The following RBM47 variants were observed in gnomAD, a reference collection of about 807,000 sequenced individuals.
RBM47 encodes the protein RNA binding motif protein 47.
A neutral mutation model predicts 47.1 loss-of-function variants in RBM47; 21 were observed. The ratio of observed to expected loss-of-function variants is 0.45; its 90% CI spans 0.32 to 0.64. The LOEUF is 0.64. Among genes scored for constraint, RBM47 ranks in the 30% least tolerant of loss-of-function variants. The probability of loss-of-function intolerance (pLI) is 0.05; values close to 1 mark genes in which losing one functional copy is unlikely to be tolerated. For synonymous variants in RBM47, 375 were observed against 361.7 expected, an observed-to-expected ratio of 1.04 and a Z score of -0.42; for missense variants, 708 against 870.9, an observed-to-expected ratio of 0.81 and a Z score of 2.35.
chr4:40,441,664 G>A (rs774878597), intron 3 of RBM47, among the ~76,000 whole-genome samples: 10 of 152,194 alleles, frequency 6.6e-5, no homozygotes, highest in Middle Eastern at 3.2e-3. Flanking sequence ...GCTGAGATAG[G>A]TGGAGTTGCC....
At chr4:40,588,383 A>G (rs193030082) in intron 1 of RBM47, among the ~76,000 whole-genome samples, 37 of 152,332 alleles carry the variant, frequency 2.4e-4, no homozygotes, top group African/African-American at 8.4e-4. Flanking sequence ...CAAAGAAAAT[A>G]ATGACAAGGA....
intron 3 of RBM47, among the ~76,000 whole-genome samples, chr4:40,448,196 AAAAT>A (rs1000190681): frequency 3.3e-5 from 5 of 152,000 alleles, no homozygotes; most frequent in Non-Finnish European, 7.4e-5. Flanking sequence ...ACTCCATCTC[AAAAT>A]AAATAAATAA....
intron 1 of RBM47, among the ~76,000 whole-genome samples, chr4:40,553,204 A>G (rs1729739833): frequency 1.3e-5 from 2 of 151,066 alleles, no homozygotes; most frequent in South Asian, 4.2e-4. Context: ...GAGTTCTCCA[A>G]TCACCAACTG....
upstream of RBM47, chr4:40,630,462 CCTGGGGCCGAGCATGG>C (rs1241950924): frequency 2.0e-5 from 3 of 152,236 alleles, no homozygotes; most frequent in Non-Finnish European, 4.4e-5. Context: ...GGCGTCCTTA[CCTGGGGCCGAGCATGG>C]CTTGGCCGCG....
At chr4:40,574,665 C>T (rs527680733) in intron 1 of RBM47, among the ~76,000 whole-genome samples, 1 of 152,144 alleles carries the variant, frequency 6.6e-6, no homozygotes, top group African/African-American at 2.4e-5. Flanking sequence ...GCCTGGCCAA[C>T]GTGGTGAAAT....
intron 1 of RBM47, among the ~76,000 whole-genome samples, chr4:40,581,986 C>A (rs1302803778): frequency 1.3e-5 from 2 of 152,034 alleles, no homozygotes; most frequent in Non-Finnish European, 2.9e-5. Flanking sequence ...AGTGGATCGC[C>A]ATCCCCCAGG....
In RBM47 at chr4:40,490,704, T is replaced by A. The variant is rs529586728; in HGVS notation, c.-154-24005A>T. On this transcript the variant is annotated intron_variant, in intron 2 of 6. Coordinates refer to ENST00000295971, the MANE Select transcript of RBM47 (RefSeq NM_001098634.2). ...AGGCGGAGGTTGCAGTGAGGAGAGATCGCGCCACTGCACTCCAGCCTGACA... is the reference window on the plus strand; with the variant it reads ...AGGCGGAGGTTGCAGTGAGGAGAGAACGCGCCACTGCACTCCAGCCTGACA... 5.3e-5 allele frequency among the ~76,000 whole-genome samples: 8 copies of A among 150,502 alleles called. No individual in the cohort carries two copies. The South Asian group carries it at 8.5e-4, about 16-fold the overall frequency.
chr4:40,431,892 A>C (rs1286423055), intron 6 of RBM47, among the ~76,000 whole-genome samples: 1 of 152,118 alleles, frequency 6.6e-6, no homozygotes, highest in African/African-American at 2.4e-5. Flanking sequence ...TCTGTTGCCC[A>C]GGCTGGAGTG....
chr4:40,575,866 C>T (rs1023193542), intron 1 of RBM47, among the ~76,000 whole-genome samples: 5 of 152,224 alleles, frequency 3.3e-5, no homozygotes, highest in African/African-American at 9.6e-5. Flanking sequence ...TGTTCTCACA[C>T]ATTACCAAGC....
At chr4:40,501,726 G>C (rs1179901883) in intron 2 of RBM47, among the ~76,000 whole-genome samples, 1 of 152,332 alleles carries the variant, frequency 6.6e-6, no homozygotes, top group East Asian at 1.9e-4. Flanking sequence ...TCTTAGAAAT[G>C]CTGCACCCAC....
At chr4:40,545,297 C>G (rs959574173) in intron 1 of RBM47, among the ~76,000 whole-genome samples, 5 of 149,848 alleles carry the variant, frequency 3.3e-5, no homozygotes, top group African/African-American at 1.2e-4. Context: ...ATGATCTGCC[C>G]GCCTCAGCCT....
intron 2 of RBM47, among the ~76,000 whole-genome samples, chr4:40,528,537 C>CT (rs1726985306): frequency 6.6e-6 from 1 of 152,016 alleles, no homozygotes; most frequent in Admixed American, 6.6e-5. Context: ...AATCCTAGCA[C>CT]TTGGGAGACC....
chr4:40,460,419 C>A (rs916524699), intron 3 of RBM47, among the ~76,000 whole-genome samples: 2 of 152,204 alleles, frequency 1.3e-5, no homozygotes, highest in African/African-American at 2.4e-5. Context: ...CGAGCTCCTG[C>A]ATGCCAGAGC....
At chr4:40,476,300 C>T (rs1275984691) in intron 2 of RBM47, among the ~76,000 whole-genome samples, 1 of 152,026 alleles carries the variant, frequency 6.6e-6, no homozygotes, top group East Asian at 1.9e-4. Flanking sequence ...GTTGCTTTTT[C>T]CCCTTCTCAT....
chr4:40,519,218 A>C (rs975743639), intron 2 of RBM47, among the ~76,000 whole-genome samples: 1 of 152,000 alleles, frequency 6.6e-6, no homozygotes, highest in Non-Finnish European at 1.5e-5. Context: ...CCTTAAAAAA[A>C]ATAAAAAATA....
Position 40,563,278 on chromosome 4 carries a change from A to G in RBM47, c.-239-18772T>C, listed in dbSNP as rs570232358. On this transcript the variant is annotated intron_variant, in intron 1 of 6. Transcript: ENST00000295971. ...TTACTTCAGGGTTGTTGACCATTCA[A>G]TTAGGCTAGCTCCACAGAAATCTGT... 7.2e-5 allele frequency among the ~76,000 whole-genome samples: 11 copies of G among 152,382 alleles called. 1 individual carries two copies. The East Asian group carries it at 1.7e-3, about 24-fold the overall frequency.
Position 40,489,637 on chromosome 4 carries a change from T to C in RBM47, c.-154-22938A>G, listed in dbSNP as rs188057084. Among the ~76,000 whole-genome samples the C allele has an allele frequency of 2.6e-3, 392 of 152,228 alleles. 2 individuals carry two copies. Among genetic ancestry groups the C allele is most frequent in the African/African-American group, 9.0e-3 (372 of 41,556 alleles). ...AATAGACTCAAGAAGAAATAGAATATCTGAATAGACTTATAAGTAAATACA... is the reference window on the plus strand; with the variant it reads ...AATAGACTCAAGAAGAAATAGAATACCTGAATAGACTTATAAGTAAATACA... On this transcript the variant is annotated intron_variant, in intron 2 of 6. Transcript: ENST00000295971.
chr4:40,510,143 C>T (rs925453397), intron 2 of RBM47, among the ~76,000 whole-genome samples: 3 of 146,288 alleles, frequency 2.1e-5, no homozygotes, highest in African/African-American at 2.5e-5. Context: ...GCCAAGATAG[C>T]GCCATTGCAC....
chr4:40,565,829 T>C (rs965630110), intron 1 of RBM47, among the ~76,000 whole-genome samples: 1 of 152,066 alleles, frequency 6.6e-6, no homozygotes. Context: ...TTTCAGCACT[T>C]TGGGAGAACG....
Sources: gnomAD v4.1 joint callset for allele counts (sites outside exome capture counted in the v4.1 genomes callset) on GRCh38, gnomAD v4.1.1 for gene constraint, MANE v1.5 for transcripts, NCBI Gene and HGNC (gene_info 2026-07-23, HGNC 2026-07-21) for gene names.